STPG2: variants seen among roughly 807,000 people sequenced by gnomAD.
STPG2 encodes the protein sperm tail PG-rich repeat containing 2, also known as sperm-tail PG-rich repeat-containing protein 2.
Under a neutral mutation model 54.2 loss-of-function variants are expected in STPG2, and 56 were observed. That is an observed-to-expected ratio of 1.03 (90% CI 0.83 to 1.29). STPG2 has a LOEUF of 1.29. Ranked by LOEUF, STPG2 falls within the 50% of genes most tolerant of loss-of-function variation. STPG2 has a pLI of 0.00. For synonymous variants in STPG2, 200 were observed against 181.8 expected, an observed-to-expected ratio of 1.10 and a Z score of -0.81; for missense variants, 596 against 544.9, an observed-to-expected ratio of 1.09 and a Z score of -0.93.
At chr4:97,674,950 G>T (rs1317629254) in intron 10 of STPG2, among the ~76,000 whole-genome samples, 1 of 152,116 alleles carries the variant, frequency 6.6e-6, no homozygotes, top group Non-Finnish European at 1.5e-5. Flanking sequence ...GTAAAGCCAT[G>T]CAATCTCTTT....
intron 10 of STPG2, among the ~76,000 whole-genome samples, chr4:97,601,361 G>T (rs1351462057): frequency 6.6e-6 from 1 of 151,964 alleles, no homozygotes; most frequent in East Asian, 1.9e-4. Context: ...AGCAAAAAAA[G>T]AATCTTATAT....
intron 4 of STPG2, among the ~76,000 whole-genome samples, chr4:97,512,243 T>C (rs977877978): frequency 1.3e-5 from 2 of 151,950 alleles, no homozygotes; most frequent in Admixed American, 1.3e-4. Flanking sequence ...GATATAAGAA[T>C]GGTCATATAA....
Position 98,103,411 on chromosome 4 carries a change from G to A in STPG2, c.612+2542C>T, listed in dbSNP as rs530014708. The stretch of plus-strand genomic sequence containing the variant: ...AATCCTAGCACTTTGGGAGGCTGAA[G>A]TGGGTGGATCACCTGAGGTCAGGAG... On this transcript the variant is annotated intron_variant, in intron 5 of 10. Coordinates refer to ENST00000295268, the MANE Select transcript of STPG2 (RefSeq NM_174952.3). Among the ~76,000 whole-genome samples the A allele has an allele frequency of 4.2e-3, 636 of 152,202 alleles. 3 individuals carry two copies. Among genetic ancestry groups the A allele is most frequent in the South Asian group, 0.024 (117 of 4,826 alleles).
intron 1 of STPG2, among the ~76,000 whole-genome samples, chr4:98,138,400 T>C (rs533211179): frequency 1.3e-5 from 2 of 152,022 alleles, no homozygotes; most frequent in African/African-American, 4.8e-5. Flanking sequence ...TGAGTTCAGT[T>C]TGGGATATAT....
At chr4:97,842,945 T>C (rs918838810) in intron 8 of STPG2, among the ~76,000 whole-genome samples, 2 of 151,922 alleles carry the variant, frequency 1.3e-5, no homozygotes, top group African/African-American at 4.8e-5. Context: ...CAAGTAAATA[T>C]CCTAAGCTGA....
At chr4:97,948,100 T>A (rs1340958028) in intron 7 of STPG2, among the ~76,000 whole-genome samples, 1 of 152,046 alleles carries the variant, frequency 6.6e-6, no homozygotes, top group East Asian at 1.9e-4. Context: ...ATTGGTCTGG[T>A]CTGGGTTGCT....
chr4:98,061,102 A>T (rs1381440019), intron 5 of STPG2, among the ~76,000 whole-genome samples: 1 of 152,232 alleles, frequency 6.6e-6, no homozygotes, highest in East Asian at 1.9e-4. Flanking sequence ...TCTGCACAAC[A>T]AAAGAAACTA....
chr4:98,011,011 T>A (rs566091708), intron 5 of STPG2, among the ~76,000 whole-genome samples: 38 of 152,314 alleles, frequency 2.5e-4, no homozygotes, highest in Admixed American at 3.9e-4. Flanking sequence ...ACGTGCAGGT[T>A]TGATACATGC....
chr4:97,443,110 A>G (rs527594731), intron 4 of STPG2, among the ~76,000 whole-genome samples: 44 of 152,286 alleles, frequency 2.9e-4, no homozygotes, highest in African/African-American at 1.0e-3. Context: ...AACTATACAG[A>G]CAACCAAGTT....
At chr4:97,494,833 C>T (rs1446265963) in intron 4 of STPG2, among the ~76,000 whole-genome samples, 1 of 151,446 alleles carries the variant, frequency 6.6e-6, no homozygotes, top group Non-Finnish European at 1.5e-5. Context: ...CACAATGTGA[C>T]ATTAGCATTT....
At chr4:97,568,947 G>T (rs1433347079) in intron 10 of STPG2, among the ~76,000 whole-genome samples, 1 of 151,300 alleles carries the variant, frequency 6.6e-6, no homozygotes, top group African/African-American at 2.4e-5. Flanking sequence ...TTACTGGAAA[G>T]GGGTAGCAAT....
chr4:97,550,368 G>A (rs928324785), intron 4 of STPG2, among the ~76,000 whole-genome samples: 1 of 151,778 alleles, frequency 6.6e-6, no homozygotes, highest in African/African-American at 2.4e-5. Context: ...GTGAAGAAAA[G>A]AATCAAGAAA....
chr4:97,575,857 TCAAATAGCCTAATGGCTCTGC>T (rs1393890013), intron 10 of STPG2, among the ~76,000 whole-genome samples: 2 of 152,106 alleles, frequency 1.3e-5, no homozygotes, highest in Non-Finnish European at 2.9e-5. Flanking sequence ...ATTCTATACC[TCAAATAGCCTAATGGCTCTGC>T]CAAAGAGCCC....
chr4:97,799,745 C>G (rs2605543), intron 9 of STPG2, among the ~76,000 whole-genome samples: 88,638 of 151,950 alleles, frequency 0.58, 26,421 homozygotes, highest in East Asian at 0.74. Flanking sequence ...GCTAGGTTGG[C>G]GAAGTTTTCC....
chr4:97,887,714 A>C (rs921713277), intron 8 of STPG2, among the ~76,000 whole-genome samples: 2 of 152,234 alleles, frequency 1.3e-5, no homozygotes, highest in African/African-American at 4.8e-5. Context: ...AGCAGGCTGC[A>C]GAATTTGCAT....
At chr4:97,969,042 T>C (rs1466617374) in intron 7 of STPG2, among the ~76,000 whole-genome samples, 2 of 152,198 alleles carry the variant, frequency 1.3e-5, no homozygotes, top group Non-Finnish European at 2.9e-5. Flanking sequence ...CGCCTGTTCA[T>C]ATGGATAAGA....
At chr4:98,134,501 T>C (rs1260564987) in intron 1 of STPG2, 42 bp from the exon 2 acceptor site, 12 of 1,253,708 alleles carry the variant, frequency 9.6e-6, no homozygotes, top group East Asian at 2.6e-5. Context: ...AAGATAAGAG[T>C]CCAAGGATTT....
At chr4:97,845,771 G>C (rs958316205) in intron 8 of STPG2, among the ~76,000 whole-genome samples, 1 of 152,160 alleles carries the variant, frequency 6.6e-6, no homozygotes, top group African/African-American at 2.4e-5. Context: ...ACAGAGATTG[G>C]TAATAATAGG....
At chr4:97,840,593 C>T (rs1163451393) in intron 9 of STPG2, among the ~76,000 whole-genome samples, 180 bp downstream of exon 9, 1 of 151,496 alleles carries the variant, frequency 6.6e-6, no homozygotes, top group Admixed American at 6.6e-5. Flanking sequence ...AGCAGGTCCT[C>T]AAATAATGTT....
Sources: gnomAD v4.1 joint callset for allele counts (sites outside exome capture counted in the v4.1 genomes callset) on GRCh38, gnomAD v4.1.1 for gene constraint, MANE v1.5 for transcripts, NCBI Gene and HGNC (gene_info 2026-07-23, HGNC 2026-07-21) for gene names.